DYM: variants seen among roughly 807,000 people sequenced by gnomAD.
DYM encodes dyggve-Melchior-Clausen syndrome protein.
A neutral mutation model predicts 93.1 loss-of-function variants in DYM; 78 were observed. That is an observed-to-expected ratio of 0.84 (90% CI 0.70 to 1.01). DYM has a LOEUF of 1.01. DYM is among the 50% of genes least tolerant of loss of function. DYM has a pLI of 0.00. For missense variants in DYM, 789 were observed against 845.0 expected, an observed-to-expected ratio of 0.93 and a Z score of 0.82; for synonymous variants, 321 against 319.7, an observed-to-expected ratio of 1.00 and a Z score of -0.04.
intron 15 of DYM, among the ~76,000 whole-genome samples, chr18:49,145,024 C>T (rs2084928451): frequency 6.9e-6 from 1 of 144,870 alleles, no homozygotes; most frequent in South Asian, 2.1e-4. Context: ...TGCTTGAGCT[C>T]AGGGGTTCAA....
intron 15 of DYM, among the ~76,000 whole-genome samples, chr18:49,145,456 T>C (rs780190319): frequency 5.9e-4 from 89 of 152,090 alleles, no homozygotes; most frequent in Non-Finnish European, 4.9e-4. Flanking sequence ...ATTTATGGAG[T>C]TCTTAAGTTA....
At chr18:49,113,286 C>G (rs2081596891) in intron 16 of DYM, among the ~76,000 whole-genome samples, 1 of 152,180 alleles carries the variant, frequency 6.6e-6, no homozygotes. Context: ...CTGTCCTCTA[C>G]TCATATTCAG....
chr18:49,098,858 G>C (rs1372116427), intron 16 of DYM, among the ~76,000 whole-genome samples: 1 of 152,128 alleles, frequency 6.6e-6, no homozygotes, highest in Non-Finnish European at 1.5e-5. Flanking sequence ...AACACAGATA[G>C]CAAAACATAT....
chr18:49,278,705 ACTT>A (rs2094904389), intron 10 of DYM, among the ~76,000 whole-genome samples: 2 of 152,114 alleles, frequency 1.3e-5, no homozygotes, highest in African/African-American at 4.8e-5. Flanking sequence ...CTGCCTCCCC[ACTT>A]GGAAAGTGTG....
At chr18:49,279,594 A>T (rs1271872205) in intron 10 of DYM, among the ~76,000 whole-genome samples, 1 of 152,236 alleles carries the variant, frequency 6.6e-6, no homozygotes, top group Non-Finnish European at 1.5e-5. Context: ...CATCAAACGC[A>T]GACAGCTGCT....
Position 49,156,190 on chromosome 18 carries a change from T to C in DYM, c.1728+7495A>G, listed in dbSNP as rs531593210. On this transcript the variant is annotated intron_variant, in intron 15 of 17. Transcript: ENST00000675505. ...TGCTAATTGGCCACTTTTTATATCTTCTTTGGAAAAATGTCTATTAAGATT... is the reference window on the plus strand; with the variant it reads ...TGCTAATTGGCCACTTTTTATATCTCCTTTGGAAAAATGTCTATTAAGATT... Among the ~76,000 whole-genome samples, 105 of 152,336 alleles carry C rather than the reference T, an allele frequency of 6.9e-4. 1 individual carries two copies. The highest frequency in any genetic ancestry group is 6.9e-4 in the Non-Finnish European group (47 of 68,014).
chr18:49,282,313 T>A, intron 9 of DYM, 138 bp from the exon 10 acceptor site: 2 of 967,628 alleles, frequency 2.1e-6, no homozygotes, highest in Non-Finnish European at 1.6e-6. Context: ...AAATTTTAAT[T>A]TATGTAAAAT....
At position 49,389,314 on chromosome 18, in the gene DYM, CTG is replaced by C. The variant is rs557570171; in HGVS notation, c.193+2277_193+2278del. Among the ~76,000 whole-genome samples, 38 of 147,812 alleles carry C rather than the reference CTG, an allele frequency of 2.6e-4. 1 individual carries two copies. Among genetic ancestry groups the C allele is most frequent in the African/African-American group, 3.2e-4 (13 of 40,134 alleles). ...CACAGATTAAAATGTGTGTGTGTGT[CTG>C]TGTGTGTGTGTGTGTGGTGGATGAT... is the stretch of plus-strand genomic sequence containing the variant. On this transcript the variant is annotated intron_variant, in intron 3 of 17. Coordinates refer to ENST00000675505, the MANE Select transcript of DYM (RefSeq NM_001353214.3).
At chr18:49,335,577 T>TG (rs1294184785) in intron 6 of DYM, among the ~76,000 whole-genome samples, 2 of 152,262 alleles carry the variant, frequency 1.3e-5, no homozygotes, top group African/African-American at 4.8e-5. Context: ...TTACTAATGA[T>TG]GATTTGATTT....
At chr18:49,077,847 G>A (rs1437781000) in intron 17 of DYM, among the ~76,000 whole-genome samples, 1 of 151,628 alleles carries the variant, frequency 6.6e-6, no homozygotes, top group Non-Finnish European at 1.5e-5. Context: ...TATAGTTAAA[G>A]CATATCCTTT....
chr18:49,444,372 C>T (rs548512361), intron 1 of DYM, among the ~76,000 whole-genome samples: 6 of 152,210 alleles, frequency 3.9e-5, no homozygotes, highest in African/African-American at 1.2e-4. Flanking sequence ...AAAGAATGAC[C>T]CTCAACTACT....
chr18:49,318,519 G>T (rs139941784), intron 8 of DYM, among the ~76,000 whole-genome samples: 115 of 152,134 alleles, frequency 7.6e-4, no homozygotes, highest in African/African-American at 2.6e-3. Flanking sequence ...CTACTTGGGA[G>T]GCTGAGGCAG....
chr18:49,045,118 T>C (rs2144097677), intron 17 of DYM, among the ~76,000 whole-genome samples: 1 of 152,302 alleles, frequency 6.6e-6, no homozygotes, highest in Non-Finnish European at 1.5e-5. Context: ...CAGGAGTGGC[T>C]GCAGCTTGGT....
intron 15 of DYM, chr18:49,126,196 C>T (rs1046943843): frequency 5.3e-5 from 8 of 152,254 alleles, no homozygotes; most frequent in African/African-American, 1.7e-4. Flanking sequence ...TAAGTCGTTT[C>T]CTGGAAACCA....
At chr18:49,052,034 C>T (rs930702906) in intron 17 of DYM, among the ~76,000 whole-genome samples, 2 of 152,244 alleles carry the variant, frequency 1.3e-5, no homozygotes, top group African/African-American at 2.4e-5. Context: ...TTTTCACCAG[C>T]ACCTAAAAGA....
At position 49,396,799 on chromosome 18, in the gene DYM, G is replaced by A. The variant is rs149342722; in HGVS notation, c.141-5154C>T. Among the ~76,000 whole-genome samples the A allele has an allele frequency of 1.7e-3, 258 of 152,210 alleles. 3 individuals carry two copies. Among genetic ancestry groups the A allele is most frequent in the African/African-American group, 6.1e-3 (253 of 41,536 alleles). ...CCTGGATGAACCCACAAGACATTAAGTGAAATAAGTCAAGCACAAAAGACG... is the reference window on the plus strand; with the variant it reads ...CCTGGATGAACCCACAAGACATTAAATGAAATAAGTCAAGCACAAAAGACG... On this transcript the variant is annotated intron_variant, in intron 2 of 17. Coordinates refer to ENST00000675505, the MANE Select transcript of DYM (RefSeq NM_001353214.3).
At chr18:49,459,440 G>T (rs765128776) in intron 1 of DYM, among the ~76,000 whole-genome samples, 1 of 152,022 alleles carries the variant, frequency 6.6e-6, no homozygotes, top group Non-Finnish European at 1.5e-5. Context: ...CATTCCTATA[G>T]ATTCTCTTCC....
chr18:49,150,474 C>T (rs1405221855), intron 15 of DYM, among the ~76,000 whole-genome samples: 1 of 152,164 alleles, frequency 6.6e-6, no homozygotes, highest in Non-Finnish European at 1.5e-5. Flanking sequence ...AACAAAAGGC[C>T]ATGTGAGCAC....
Position 49,163,688 on chromosome 18 carries a change from A to G in DYM, c.1725T>C (p.Asp575=), listed in dbSNP as rs2087483260. ...SLSSNDVPLP[D]YAQDLNVIEE... ...GATGAATAAGGTAACTACTTACATA[A>G]TCTGGTAGAGGAACATCATTAGAAC... Residue 575 remains aspartate (D), a synonymous_variant, in exon 15 of 18, where the codon GAT becomes GAC. Coordinates refer to ENST00000675505, the MANE Select transcript of DYM (RefSeq NM_001353214.3). The G allele has an allele frequency of 6.2e-7, 1 of 1,606,898 alleles. No homozygotes were observed. The highest frequency in any genetic ancestry group is 1.1e-5 in the South Asian group (1 of 90,498).
Sources: gnomAD v4.1 joint callset for allele counts (sites outside exome capture counted in the v4.1 genomes callset) on GRCh38, gnomAD v4.1.1 for gene constraint, MANE v1.5 for transcripts, NCBI Gene and HGNC (gene_info 2026-07-23, HGNC 2026-07-21) for gene names.